TMEM184B: variants seen among roughly 807,000 people sequenced by gnomAD.
TMEM184B encodes transmembrane protein 184B, also known as putative MAPK-activating protein FM08.
TMEM184B carries 17 observed loss-of-function variants against 41.8 expected under a neutral mutation model. That is an observed-to-expected ratio of 0.41 (90% CI 0.28 to 0.61). TMEM184B has a LOEUF of 0.61. TMEM184B is among the 20% of genes least tolerant of loss of function. The probability of loss-of-function intolerance (pLI) is 0.34; values close to 1 mark genes in which losing one functional copy is unlikely to be tolerated. For synonymous variants in TMEM184B, 240 were observed against 229.5 expected, an observed-to-expected ratio of 1.05 and a Z score of -0.41; for missense variants, 393 against 557.8, an observed-to-expected ratio of 0.70 and a Z score of 2.98.
At position 38,219,849 on chromosome 22, in the gene TMEM184B, C is replaced by T. The variant is rs553377369; in HGVS notation, c.*1620G>A. 1.8e-5 allele frequency: 18 copies of T among 985,248 alleles called. No individual in the cohort carries two copies. Among genetic ancestry groups the T allele is most frequent in the South Asian group, 4.7e-5 (1 of 21,294 alleles). The allele number at this position is 985,248 out of a possible 1,614,324, so 61.0% of individuals were successfully genotyped here. ...GGCAGCTTGGGCCCAACTGCTCCGC[C>T]CCCCCAAGATGGAGGGGGAGAGCTG... On this transcript the variant is annotated 3_prime_UTR_variant, in exon 9 of 9. Transcript: ENST00000361906.
Position 38,246,115 on chromosome 22 carries a change from G to A in TMEM184B, c.193-15C>T. 6.2e-7 allele frequency: 1 copy of A among 1,605,862 alleles called. No homozygotes were observed. ...TGCATGTAGATCTGGGGGCAGAGGT[G>A]TGGGGTCAGCTGGGGACCCTCCTGT... On this transcript the variant is annotated splice_polypyrimidine_tract_variant and intron_variant, in intron 2 of 8. Transcript: ENST00000361906.
intron 2 of TMEM184B, chr22:38,246,662 C>T: frequency 2.0e-6 from 1 of 508,826 alleles, no homozygotes; most frequent in Non-Finnish European, 2.9e-6. Flanking sequence ...GCCTCCTCCT[C>T]CCATCTGGTA....
chr22:38,263,180 G>A (rs1443537553), intron 1 of TMEM184B, among the ~76,000 whole-genome samples: 1 of 152,176 alleles, frequency 6.6e-6, no homozygotes, highest in African/African-American at 2.4e-5. Flanking sequence ...TGGGATTACA[G>A]GCGTGAGCCA....
At position 38,248,047 on chromosome 22, in the gene TMEM184B, C is replaced by T. The variant is rs772376198; in HGVS notation, c.-58-28G>A. ...AGAGAGAAGAAATTGCAATGTGAGT[C>T]TCCTCCCAGGGCAAGTGGCAGCATT... On this transcript the variant is annotated intron_variant, in intron 1 of 8. Coordinates refer to ENST00000361906, the MANE Select transcript of TMEM184B (RefSeq NM_012264.5). 7.0e-5 allele frequency: 103 copies of T among 1,476,062 alleles called. 1 individual carries two copies. In the East Asian group the frequency reaches 2.5e-3, roughly 36 times the overall value. The allele number at this position is 1,476,062 out of a possible 1,614,324, so 91.4% of individuals were successfully genotyped here.
Position 38,225,712 on chromosome 22 carries a change from G to A in TMEM184B, c.618-119C>T, listed in dbSNP as rs987754726. ...CCCCACACCTCCAGCAGAGCTCAAC[G>A]AGCCACTGAAGGGGTCAGAATGGGT... On this transcript the variant is annotated intron_variant, in intron 6 of 8. Coordinates refer to ENST00000361906, the MANE Select transcript of TMEM184B (RefSeq NM_012264.5). This position sits in a 1 kb window ranked among gnomAD's most constrained non-coding sequence, Gnocchi z 4.4. 4.9e-5 allele frequency: 58 copies of A among 1,183,296 alleles called. No individual in the cohort carries two copies. The highest frequency in any genetic ancestry group is 4.2e-4 in the Admixed American group (12 of 28,718). The allele number at this position is 1,183,296 out of a possible 1,614,324, so 73.3% of individuals were successfully genotyped here.
At chr22:38,233,483 G>C (rs2091689185) in intron 3 of TMEM184B, among the ~76,000 whole-genome samples, 1 of 152,322 alleles carries the variant, frequency 6.6e-6, no homozygotes, top group East Asian at 1.9e-4. Flanking sequence ...CTGCCTGCAG[G>C]GCCAGGAGCC....
Position 38,230,727 on chromosome 22 carries a change from C to T in TMEM184B, c.467G>A (p.Gly156Asp). ...AGTCTTTCCCCAGAGGCAGCAGGTG[C>T]CATACATACAGCTGGACCTGGAAGA... ...GKPIESSCMY[G>D]TCCLWGKTYS... The change falls in exon 5 of 9, where the codon GGC becomes GAC. Residue 156 changes from glycine (G) to aspartate (D), a missense_variant. Physicochemically the swap from Gly to Asp is moderately conservative, Grantham distance 94. Around this residue, in one of 2 missense-constraint regions of TMEM184B, gnomAD observed 271 missense variants for 434.1 expected, o/e 0.62. Transcript: ENST00000361906. 1 of 1,612,170 alleles carries T rather than the reference C, an allele frequency of 6.2e-7. No homozygotes were observed. The highest frequency in any genetic ancestry group is 1.7e-5 in the Admixed American group (1 of 59,582).
At position 38,221,982 on chromosome 22, in the gene TMEM184B, G is replaced by C. The variant is rs1221853275; in HGVS notation, c.983-272C>G. The C allele has an allele frequency of 2.9e-5, 15 of 521,398 alleles. 1 individual carries two copies. The East Asian group carries it at 5.2e-4, about 18-fold the overall frequency. The allele number at this position is 521,398 out of a possible 1,614,324, so 32.3% of individuals were successfully genotyped here. ...GGAGCTGGGCTGGCTGCAGGGAAGG[G>C]ACCCAGGGTGGAGACTGGCAAGCTA... is the stretch of plus-strand genomic sequence containing the variant. On this transcript the variant is annotated intron_variant, in intron 8 of 8. Coordinates refer to ENST00000361906, the MANE Select transcript of TMEM184B (RefSeq NM_012264.5).
Position 38,272,962 on chromosome 22 carries a change from C to A in TMEM184B, c.-137G>T. ...TCTGCGGGCGGGGCGGGCGGCGCCG[C>A]AGCCCCGGAGTCTCCGCCGCCGCCG... On this transcript the variant is annotated 5_prime_UTR_variant, in exon 1 of 9. Transcript: ENST00000361906. 1 of 335,674 alleles carries A rather than the reference C, an allele frequency of 3.0e-6. No homozygotes were observed. Among genetic ancestry groups the A allele is most frequent in the Non-Finnish European group, 4.2e-6 (1 of 236,778 alleles). 20.8% of individuals were successfully genotyped at this position (335,674 alleles called of 1,614,324 possible).
intron 3 of TMEM184B, among the ~76,000 whole-genome samples, chr22:38,242,455 G>A (rs549599342): frequency 6.6e-6 from 1 of 152,096 alleles, no homozygotes; most frequent in African/African-American, 2.4e-5. Context: ...TCCAGCCTGG[G>A]CGACAGAGCG....
rs1602372547 is a variant in TMEM184B, at chr22:38,226,616, A to G, written c.617+163T>C. The G allele has an allele frequency of 1.2e-5, 8 of 654,292 alleles. No individual in the cohort carries two copies. In the East Asian group the frequency reaches 2.3e-4, roughly 19 times the overall value. The allele number at this position is 654,292 out of a possible 1,614,324, so 40.5% of individuals were successfully genotyped here. A position where few individuals can be genotyped will look rare whatever the true frequency, so the allele number is the denominator to read the frequency against. ...CGGGGCTGGCAGCGGGGCCAACTGC[A>G]AGGGTGTCCACTGCTGGGCTCAGAC... On this transcript the variant is annotated intron_variant, in intron 6 of 8. Transcript: ENST00000361906. This position sits in a 1 kb window ranked among gnomAD's most constrained non-coding sequence, Gnocchi z 4.6.
intron 3 of TMEM184B, among the ~76,000 whole-genome samples, chr22:38,238,739 G>T (rs1602413749): frequency 2.6e-5 from 4 of 152,176 alleles, no homozygotes; most frequent in Admixed American, 2.6e-4. Context: ...CTTTTCCAGG[G>T]GAGAAACTTG....
At chr22:38,218,104 C>G (rs2091172648), downstream of TMEM184B, among the ~76,000 whole-genome samples, 1 of 152,166 alleles carries the variant, frequency 6.6e-6, no homozygotes, top group Non-Finnish European at 1.5e-5. Flanking sequence ...TTTTCTACAG[C>G]CAAGTGGAAA....
rs1369951137 is a variant in TMEM184B, at chr22:38,219,917, A to G, written c.*1552T>C. ...GCAGGCCTCTGCCACGAGGAAAGGA[A>G]GGAGGCCAGGAAGACGGCTGGGCCC... On this transcript the variant is annotated 3_prime_UTR_variant, in exon 9 of 9. Coordinates refer to ENST00000361906, the MANE Select transcript of TMEM184B (RefSeq NM_012264.5). The G allele has an allele frequency of 1.0e-6, 1 of 985,176 alleles. No homozygotes were observed. The highest frequency in any genetic ancestry group is 1.1e-4 in the East Asian group (1 of 8,816). 61.0% of individuals were successfully genotyped at this position (985,176 alleles called of 1,614,324 possible).
In TMEM184B at chr22:38,272,906, G is replaced by C. The variant is rs2092547242; in HGVS notation, c.-81C>G. 1.4e-6 allele frequency: 1 copy of C among 724,502 alleles called. No homozygotes were observed. The highest frequency in any genetic ancestry group is 1.7e-6 in the Non-Finnish European group (1 of 591,884). 44.9% of individuals were successfully genotyped at this position (724,502 alleles called of 1,614,324 possible). A position where few individuals can be genotyped will look rare whatever the true frequency, so the allele number is the denominator to read the frequency against. ...TACCTCAGGAGCCCATGGCGGTGGCGGCGTCTGCGGACGATGCGCGGCAGC... is the reference window on the plus strand; with the variant it reads ...TACCTCAGGAGCCCATGGCGGTGGCCGCGTCTGCGGACGATGCGCGGCAGC... On this transcript the variant is annotated 5_prime_UTR_variant, in exon 1 of 9. Coordinates refer to ENST00000361906, the MANE Select transcript of TMEM184B (RefSeq NM_012264.5).
intron 1 of TMEM184B, among the ~76,000 whole-genome samples, chr22:38,259,273 T>C (rs907275303): frequency 6.6e-6 from 1 of 152,206 alleles, no homozygotes; most frequent in African/African-American, 2.4e-5. Context: ...TGGATTTTAT[T>C]ATGTGCTGTG....
chr22:38,264,645 A>G (rs2092418810), intron 1 of TMEM184B, among the ~76,000 whole-genome samples: 1 of 152,154 alleles, frequency 6.6e-6, no homozygotes, highest in African/African-American at 2.4e-5. Flanking sequence ...CAAGCCAGGG[A>G]GTTGAGGAGA....
intron 1 of TMEM184B, among the ~76,000 whole-genome samples, chr22:38,253,078 C>G (rs558586831): frequency 6.6e-6 from 1 of 151,904 alleles, no homozygotes; most frequent in Admixed American, 6.5e-5. Context: ...GGAGGCAGAG[C>G]TTGCAGTGAG....
intron 1 of TMEM184B, among the ~76,000 whole-genome samples, chr22:38,262,245 G>A (rs1006333616): frequency 2.2e-4 from 34 of 152,220 alleles, no homozygotes; most frequent in Admixed American, 1.6e-3. Context: ...GGTGACTACC[G>A]GCGAAGAGCG....
Sources: allele counts gnomAD v4.1 joint callset (sites outside exome capture counted in the v4.1 genomes callset), GRCh38; gene constraint gnomAD v4.1.1; regional missense constraint gnomAD v4.1.1; non-coding constraint Gnocchi (gnomAD v3.1); transcripts MANE v1.5; gene names NCBI Gene and HGNC (gene_info 2026-07-23, HGNC 2026-07-21).